The following DYNC2H1 variants were observed in gnomAD, a reference collection of about 807,000 sequenced individuals.
DYNC2H1 encodes dynein cytoplasmic 2 heavy chain 1.
Under a neutral mutation model 570.0 loss-of-function variants are expected in DYNC2H1, and 410 were observed. The observed-to-expected ratio is 0.72, with a 90% confidence interval of 0.66 to 0.78. DYNC2H1 has a LOEUF of 0.78. Ranked by LOEUF, DYNC2H1 falls within the 30% of genes least tolerant of loss-of-function variation. DYNC2H1 has a pLI of 0.00. For synonymous variants in DYNC2H1, 1,688 were observed against 1,677.6 expected (o/e 1.01, Z -0.15); for missense variants, 4,865 against 5,046.4 (o/e 0.96, Z 1.09).
intron 28 of DYNC2H1, 92 bp downstream of exon 28, chr11:103,159,119 G>A: frequency 1.0e-6 from 1 of 959,994 alleles, no homozygotes; most frequent in East Asian, 2.6e-5. Flanking sequence ...ACTGAATACA[G>A]CAGTCAGTTC....
chr11:103,405,860 T>C (rs2135669546), intron 84 of DYNC2H1: 1 of 152,078 alleles, frequency 6.6e-6, no homozygotes, highest in Non-Finnish European at 1.5e-5. Context: ...GTAAAATGGC[T>C]GAGTAAGCAT....
chr11:103,337,282 CT>C (rs1939187771), intron 82 of DYNC2H1, among the ~76,000 whole-genome samples: 1 of 152,152 alleles, frequency 6.6e-6, no homozygotes, highest in South Asian at 2.1e-4. Flanking sequence ...GGGTAAATCT[CT>C]GTTCGAGGCT....
chr11:103,410,708 A>C (rs551567412), intron 84 of DYNC2H1, among the ~76,000 whole-genome samples: 2 of 152,258 alleles, frequency 1.3e-5, no homozygotes, highest in South Asian at 4.1e-4. Flanking sequence ...ATTTCAGCCT[A>C]AGTTTTTTAC....
At chr11:103,191,989 T>C (rs1390870917) in intron 46 of DYNC2H1, 108 bp from the exon 47 acceptor site, 1 of 863,034 alleles carries the variant, frequency 1.2e-6, no homozygotes, top group African/African-American at 1.7e-5. Context: ...ATTTATCTGA[T>C]GCCAAAATTA....
chr11:103,195,644 A>T (rs1854478355), intron 47 of DYNC2H1, among the ~76,000 whole-genome samples: 1 of 152,162 alleles, frequency 6.6e-6, no homozygotes, highest in African/African-American at 2.4e-5. Flanking sequence ...TTTCGTATAG[A>T]TTTTAGAATA....
intron 1 of DYNC2H1, among the ~76,000 whole-genome samples, chr11:103,110,410 T>C (rs1220215450): frequency 6.6e-6 from 1 of 152,182 alleles, no homozygotes; most frequent in Non-Finnish European, 1.5e-5. Flanking sequence ...TTTTGAGTTT[T>C]TTTTTTGGGG....
chr11:103,163,231 C>G lies in DYNC2H1; in HGVS notation c.4611+84C>G. On this transcript the variant is annotated intron_variant, in intron 30 of 88. Transcript: ENST00000375735. This position sits in a 1 kb window ranked among gnomAD's most constrained non-coding sequence, Gnocchi z 4.6. ...TAGAAGCCAGGAGGCTCAGATAAAT[C>G]GCATCTGTTTTCTCCCTTTATCTAA... 6.9e-7 allele frequency: 1 copy of G among 1,449,992 alleles called. No individual in the cohort carries two copies. Among genetic ancestry groups the G allele is most frequent in the Non-Finnish European group, 9.2e-7 (1 of 1,084,036 alleles). 89.8% of individuals were successfully genotyped at this position (1,449,992 alleles called of 1,614,324 possible).
At chr11:103,257,288 T>G (rs1042696410) in intron 68 of DYNC2H1, among the ~76,000 whole-genome samples, 1 of 152,162 alleles carries the variant, frequency 6.6e-6, no homozygotes, top group Admixed American at 6.5e-5. Context: ...ATCTTGGACT[T>G]CCCAGCTTCC....
At position 103,280,198 on chromosome 11, in the gene DYNC2H1, A is replaced by C. The variant is rs1435868012; in HGVS notation, c.10696-150A>C. 2.7e-6 allele frequency: 2 copies of C among 730,786 alleles called. No individual in the cohort carries two copies. Among genetic ancestry groups the C allele is most frequent in the Admixed American group, 2.6e-5 (1 of 37,830 alleles). The allele number at this position is 730,786 out of a possible 1,614,324, so 45.3% of individuals were successfully genotyped here. On this transcript the variant is annotated intron_variant, in intron 70 of 88. Transcript: ENST00000375735. The surrounding 1 kb of genome is among the most constrained non-coding windows in gnomAD (Gnocchi z 4.7). ...ACTTGAAGTGTCTCTAAGATGTAGAAAGCAATCTGAATAGTAATTTCTTAC... is the reference window on the plus strand; with the variant it reads ...ACTTGAAGTGTCTCTAAGATGTAGACAGCAATCTGAATAGTAATTTCTTAC...
chr11:103,251,635 C>T (rs1299479551), intron 65 of DYNC2H1, among the ~76,000 whole-genome samples: 1 of 152,112 alleles, frequency 6.6e-6, no homozygotes, highest in Non-Finnish European at 1.5e-5. Context: ...GATTTCTAGA[C>T]TTAATCATCC....
At chr11:103,153,266 C>G in intron 21 of DYNC2H1, 37 bp from the exon 22 acceptor site, 1 of 1,466,930 alleles carries the variant, frequency 6.8e-7, no homozygotes, top group Non-Finnish European at 9.0e-7. Flanking sequence ...TGAAATTTTA[C>G]TCTGCATTAA....
chr11:103,235,725 T>C lies in DYNC2H1; in HGVS notation c.9621T>C (p.Ala3207=). Residue 3207 remains alanine, a synonymous_variant, in exon 62 of 89, where the codon GCT becomes GCC. Transcript: ENST00000375735. The part of the protein sequence containing the change: ...LATLPKRAQL[A]AAFITYLSAA... Reference sequence around the variant, plus strand: ...CTCTTCCTAAAAGAGCTCAACTTGCTGCTGCATTTATTACATATCTTTCTG... The same window carrying C: ...CTCTTCCTAAAAGAGCTCAACTTGCCGCTGCATTTATTACATATCTTTCTG... 1 of 1,611,682 alleles carries C rather than the reference T, an allele frequency of 6.2e-7. No homozygotes were observed. Among genetic ancestry groups the C allele is most frequent in the Admixed American group, 1.7e-5 (1 of 59,780 alleles).
chr11:103,112,580 CAT>C (rs995320816), intron 1 of DYNC2H1, among the ~76,000 whole-genome samples: 12 of 152,110 alleles, frequency 7.9e-5, no homozygotes, highest in African/African-American at 2.9e-4. Context: ...TGGACACTGA[CAT>C]GTGGATTTCA....
At chr11:103,463,796 T>A (rs1945099920) in intron 87 of DYNC2H1, among the ~76,000 whole-genome samples, 1 of 152,168 alleles carries the variant, frequency 6.6e-6, no homozygotes, top group Non-Finnish European at 1.5e-5. Flanking sequence ...AATCACTGAT[T>A]GAGTTTATGG....
In DYNC2H1 at chr11:103,187,596, A is replaced by C. The variant is rs776590592; in HGVS notation, c.7140+10A>C. ...AGCATTCCTACAACAGGTAAGTCAT[A>C]TTGCTTGAAGTGTTTTAATCTAATT... On this transcript the variant is annotated intron_variant, in intron 43 of 88. Transcript: ENST00000375735. The C allele has an allele frequency of 1.9e-5, 31 of 1,611,374 alleles. No individual in the cohort carries two copies. The African/African-American group carries it at 4.0e-4, about 21-fold the overall frequency.
intron 83 of DYNC2H1, among the ~76,000 whole-genome samples, chr11:103,388,769 T>G (rs1251282333): frequency 6.6e-6 from 1 of 152,184 alleles, no homozygotes; most frequent in East Asian, 1.9e-4. Flanking sequence ...ATAAGGTGGT[T>G]TTTGTCATTG....
intron 83 of DYNC2H1, among the ~76,000 whole-genome samples, chr11:103,367,116 T>G (rs912521401): frequency 6.6e-6 from 1 of 152,148 alleles, no homozygotes; most frequent in African/African-American, 2.4e-5. Flanking sequence ...CTGGGAAGAA[T>G]AATAATCATT....
rs11225573 is a variant in DYNC2H1, at chr11:103,153,760, G to T, written c.3302+252G>T. ...TTACCTAGAAGTTATATCAGGGTTA[G>T]AACTGTCACTTTCTTTGAACTTATC... is the stretch of plus-strand genomic sequence containing the variant. On this transcript the variant is annotated intron_variant, in intron 22 of 88. Transcript: ENST00000375735. Among the ~76,000 whole-genome samples the T allele has an allele frequency of 0.05, 7,542 of 151,850 alleles. 253 individuals carry two copies. The highest frequency in any genetic ancestry group is 0.071 in the Non-Finnish European group (4,835 of 67,854).
intron 85 of DYNC2H1, among the ~76,000 whole-genome samples, chr11:103,440,880 A>T (rs1180219535): frequency 3.9e-5 from 6 of 152,152 alleles, no homozygotes; most frequent in African/African-American, 1.2e-4. Context: ...CCGTACTACC[A>T]CTACCTCGAT....
Sources: gnomAD v4.1 joint callset for allele counts (sites outside exome capture counted in the v4.1 genomes callset) on GRCh38, gnomAD v4.1.1 for gene constraint, Gnocchi (gnomAD v3.1) non-coding constraint, MANE v1.5 for transcripts, NCBI Gene and HGNC (gene_info 2026-07-23, HGNC 2026-07-21) for gene names.